Variants in CCND3 observed in about 807,000 individuals in gnomAD.
CCND3 encodes G1/S-specific cyclin-D3.
CCND3 carries 9 observed loss-of-function variants against 28.7 expected under a neutral mutation model. The ratio of observed to expected loss-of-function variants is 0.31; its 90% CI spans 0.19 to 0.55. CCND3 has a LOEUF of 0.55. Ranked by LOEUF, CCND3 falls within the 20% of genes least tolerant of loss-of-function variation. The pLI, the probability that CCND3 is intolerant of heterozygous loss-of-function variation, is 0.93. For missense variants in CCND3, 315 were observed against 385.8 expected (o/e 0.82, Z 1.54); for synonymous variants, 164 against 163.9 (o/e 1.00, Z 0.00).
At chr6:41,964,491 T>A (rs1384874078) in intron 1 of CCND3, among the ~76,000 whole-genome samples, 1 of 133,400 alleles carries the variant, frequency 7.5e-6, no homozygotes, top group South Asian at 2.4e-4. Flanking sequence ...TGTGAATGTG[T>A]GTGTGTGAGT....
intron 1 of CCND3, among the ~76,000 whole-genome samples, chr6:41,993,369 C>T (rs1421604986): frequency 1.3e-5 from 2 of 149,338 alleles, no homozygotes; most frequent in African/African-American, 4.9e-5. Flanking sequence ...TGATGTTGAA[C>T]ATTTTCCCAT....
chr6:41,944,842 C>G (rs1776129750), upstream of CCND3, among the ~76,000 whole-genome samples: 1 of 152,122 alleles, frequency 6.6e-6, no homozygotes, highest in African/African-American at 2.4e-5. Context: ...AGGAGAGATA[C>G]TTCTGCCTCA....
intron 1 of CCND3, among the ~76,000 whole-genome samples, chr6:41,965,744 C>T (rs9349208): frequency 0.19 from 28,472 of 152,038 alleles, 3,196 homozygotes; most frequent in Non-Finnish European, 0.25. Context: ...ACTAACTGGC[C>T]CAAGCGCCCT....
chr6:42,045,016 G>C (rs1381711793), intron 1 of CCND3, among the ~76,000 whole-genome samples: 2 of 148,496 alleles, frequency 1.3e-5, no homozygotes, highest in African/African-American at 5.0e-5. Flanking sequence ...ATGTTGGTCA[G>C]GCTGGTCTCG....
chr6:41,998,120 C>T, intron 1 of CCND3, among the ~76,000 whole-genome samples: 1 of 151,704 alleles, frequency 6.6e-6, no homozygotes, highest in East Asian at 2.0e-4. Context: ...GAAACCCCAT[C>T]TCTACTAAAA....
chr6:41,964,288 G>A (rs1200176360), intron 1 of CCND3, among the ~76,000 whole-genome samples: 1 of 152,012 alleles, frequency 6.6e-6, no homozygotes, highest in African/African-American at 2.4e-5. Context: ...GTATGTGTGT[G>A]TGTGTGAGTA....
At chr6:41,951,005 G>T (rs944495145) in intron 1 of CCND3, among the ~76,000 whole-genome samples, 2 of 152,074 alleles carry the variant, frequency 1.3e-5, no homozygotes, top group African/African-American at 4.8e-5. Flanking sequence ...ACTGCGCTGG[G>T]CCGAGAAGCC....
intron 1 of CCND3, among the ~76,000 whole-genome samples, chr6:41,964,372 ATGTG>A (rs59443874): frequency 2.9e-5 from 4 of 139,194 alleles, no homozygotes; most frequent in African/African-American, 1.1e-4. Flanking sequence ...GTATGTGTGA[ATGTG>A]TGTGAGTGTG....
At chr6:42,033,646 G>A (rs1036674351) in intron 1 of CCND3, among the ~76,000 whole-genome samples, 5 of 151,702 alleles carry the variant, frequency 3.3e-5, no homozygotes, top group African/African-American at 7.3e-5. Flanking sequence ...TCAGAAGGAC[G>A]AGACCAGCCT....
chr6:41,943,003 A>G (rs1776080542), upstream of CCND3, among the ~76,000 whole-genome samples: 1 of 148,310 alleles, frequency 6.7e-6, no homozygotes, highest in South Asian at 2.1e-4. Flanking sequence ...AGCTGGGACT[A>G]CAGGCACGCA....
At chr6:42,046,901 C>T (rs768824812) in intron 1 of CCND3, among the ~76,000 whole-genome samples, 3 of 152,170 alleles carry the variant, frequency 2.0e-5, no homozygotes, top group Non-Finnish European at 4.4e-5. Flanking sequence ...ATAAAGCCTC[C>T]CAAATCAAGT....
chr6:41,999,378 A>C (rs891852986), intron 1 of CCND3, among the ~76,000 whole-genome samples: 12 of 152,168 alleles, frequency 7.9e-5, no homozygotes, highest in Middle Eastern at 3.4e-3. Context: ...CCTCCCAAGT[A>C]GCTGGGATAA....
chr6:42,024,930 C>T (rs1199520525), intron 1 of CCND3, among the ~76,000 whole-genome samples: 2 of 152,174 alleles, frequency 1.3e-5, no homozygotes, highest in African/African-American at 2.4e-5. Flanking sequence ...TGGTGGTGCA[C>T]ACCTGTAATC....
chr6:41,975,081 C>T (rs188883473), intron 1 of CCND3, among the ~76,000 whole-genome samples: 118 of 152,124 alleles, frequency 7.8e-4, no homozygotes, highest in South Asian at 4.2e-4. Flanking sequence ...CGTGAGCCAC[C>T]GTGCCTGGCC....
chr6:42,043,400 G>A (rs986502608), intron 1 of CCND3, among the ~76,000 whole-genome samples: 2 of 152,188 alleles, frequency 1.3e-5, no homozygotes, highest in East Asian at 1.9e-4. Flanking sequence ...GTGTGGTGGC[G>A]GGTGCCTGTA....
intron 1 of CCND3, among the ~76,000 whole-genome samples, chr6:42,006,798 C>T (rs1299909238): frequency 6.6e-6 from 1 of 151,792 alleles, no homozygotes; most frequent in African/African-American, 2.4e-5. Context: ...GTCCCAGCTA[C>T]TCGGGAGGCT....
chr6:42,024,081 T>G (rs528548059), intron 1 of CCND3, among the ~76,000 whole-genome samples: 2 of 152,236 alleles, frequency 1.3e-5, no homozygotes, highest in South Asian at 4.1e-4. Flanking sequence ...AACTTACAGA[T>G]AAGGGCACTG....
At chr6:41,978,301 G>A (rs1213801482) in intron 1 of CCND3, among the ~76,000 whole-genome samples, 3 of 151,672 alleles carry the variant, frequency 2.0e-5, no homozygotes, top group African/African-American at 7.3e-5. Flanking sequence ...ATGAACCTGG[G>A]AGGCGGAGCT....
At chr6:42,040,865 A>G (rs1294707729) in intron 1 of CCND3, among the ~76,000 whole-genome samples, 1 of 149,148 alleles carries the variant, frequency 6.7e-6, no homozygotes. Context: ...ACAAACAAAC[A>G]AACAAAAAAA....
Sources: allele counts gnomAD v4.1 joint callset (sites outside exome capture counted in the v4.1 genomes callset), GRCh38; gene constraint gnomAD v4.1.1; transcripts MANE v1.5; gene names NCBI Gene and HGNC (gene_info 2026-07-23, HGNC 2026-07-21).